Variants in NTRK2 observed in about 807,000 individuals in gnomAD.
NTRK2 encodes the protein BDNF/NT-3 growth factors receptor.
Under a neutral mutation model 94.5 loss-of-function variants are expected in NTRK2, and 13 were observed. The ratio of observed to expected loss-of-function variants is 0.14; its 90% CI spans 0.09 to 0.22. NTRK2 has a LOEUF of 0.22. Ranked by LOEUF, NTRK2 falls within the 10% of genes least tolerant of loss-of-function variation. The pLI is 1.00. For missense variants in NTRK2, 639 were observed against 1,071.2 expected (o/e 0.60, Z 5.63); for synonymous variants, 372 against 407.4 (o/e 0.91, Z 1.05).
chr9:84,727,503 C>T (rs2062551002), intron 8 of NTRK2, 151 bp from the exon 9 acceptor site: 4 of 773,080 alleles, frequency 5.2e-6, no homozygotes, highest in South Asian at 4.9e-5. Context: ...GATGATGATA[C>T]AAAATACTGA....
intron 17 of NTRK2, among the ~76,000 whole-genome samples, chr9:84,968,177 C>T (rs1216150623): frequency 6.6e-6 from 1 of 152,128 alleles, no homozygotes; most frequent in Non-Finnish European, 1.5e-5. Context: ...GAAGTGCCCT[C>T]CCTTATGCCT....
chr9:84,815,891 C>G (rs1403909108), intron 12 of NTRK2, among the ~76,000 whole-genome samples: 2 of 151,708 alleles, frequency 1.3e-5, no homozygotes, highest in African/African-American at 4.8e-5. Context: ...AATTATCCCC[C>G]CAAAAAGGTC....
intron 12 of NTRK2, chr9:84,813,463 AC>A (rs1165118957): frequency 1.5e-5 from 16 of 1,064,764 alleles, no homozygotes; most frequent in Non-Finnish European, 1.8e-5. Flanking sequence ...TTGTTCTCTC[AC>A]GGTATCCTTC....
At position 84,741,609 on chromosome 9, in the gene NTRK2, G is replaced by T. The variant is rs112561852; in HGVS notation, c.1160-283G>T. Among the ~76,000 whole-genome samples the T allele has an allele frequency of 8.1e-3, 1,239 of 152,274 alleles. 19 individuals carry two copies. The highest frequency in any genetic ancestry group is 0.043 in the East Asian group (225 of 5,182). ...AAACAGTACCAAAAGAAGAAAAATG[G>T]TAATAATTCATTGATTGCTGAAGTT... On this transcript the variant is annotated intron_variant, in intron 9 of 18. Coordinates refer to ENST00000277120, the MANE Select transcript of NTRK2 (RefSeq NM_006180.6).
At chr9:84,926,164 TCCTTC>T (rs2077785815) in intron 14 of NTRK2, among the ~76,000 whole-genome samples, 1 of 68,004 alleles carries the variant, frequency 1.5e-5, no homozygotes, top group Non-Finnish European at 3.3e-5. Flanking sequence ...CTTCCTTCCT[TCCTTC>T]CTTTCTTTCT....
intron 15 of NTRK2, among the ~76,000 whole-genome samples, chr9:84,936,813 C>G (rs2078227883): frequency 1.3e-5 from 2 of 152,130 alleles, no homozygotes; most frequent in South Asian, 4.1e-4. Flanking sequence ...ATTCTAACTT[C>G]ATGGTCACAA....
intron 12 of NTRK2, among the ~76,000 whole-genome samples, chr9:84,849,008 G>T (rs543636779): frequency 6.6e-6 from 1 of 152,242 alleles, no homozygotes; most frequent in African/African-American, 2.4e-5. Flanking sequence ...ATGCTTTAGA[G>T]ACTACATATG....
chr9:84,950,619 C>T (rs2078747796), intron 16 of NTRK2, among the ~76,000 whole-genome samples: 1 of 151,480 alleles, frequency 6.6e-6, no homozygotes, highest in Non-Finnish European at 1.5e-5. Flanking sequence ...TTAGCTAGTC[C>T]TCATTTTGGA....
At chr9:84,865,735 C>T (rs1056639771) in intron 13 of NTRK2, among the ~76,000 whole-genome samples, 5 of 152,226 alleles carry the variant, frequency 3.3e-5, no homozygotes, top group Non-Finnish European at 5.9e-5. Flanking sequence ...TGCCTTTTCA[C>T]TCCCTATTGT....
chr9:84,710,909 C>G (rs2061381822), intron 6 of NTRK2, 118 bp downstream of exon 6: 1 of 949,492 alleles, frequency 1.1e-6, no homozygotes, highest in South Asian at 1.4e-5. Flanking sequence ...GTTGATGTCT[C>G]CAGTGACTCA....
At chr9:84,862,917 G>A (rs2075400229) in intron 13 of NTRK2, among the ~76,000 whole-genome samples, 1 of 152,134 alleles carries the variant, frequency 6.6e-6, no homozygotes, top group Non-Finnish European at 1.5e-5. Flanking sequence ...GGGTGGGGAG[G>A]GCAGGTGGAT....
chr9:84,808,180 A>T (rs1487773918), intron 12 of NTRK2, among the ~76,000 whole-genome samples: 1 of 152,206 alleles, frequency 6.6e-6, no homozygotes. Flanking sequence ...GTGGATGGCA[A>T]TGGTCCAGTA....
intron 17 of NTRK2, among the ~76,000 whole-genome samples, chr9:84,975,306 G>T (rs75410255): frequency 6.6e-6 from 1 of 152,050 alleles, no homozygotes; most frequent in Non-Finnish European, 1.5e-5. Context: ...CACTCCCCCT[G>T]CCCCTTTTTC....
intron 9 of NTRK2, among the ~76,000 whole-genome samples, chr9:84,733,723 TC>T (rs1416828306): frequency 6.6e-6 from 1 of 152,142 alleles, no homozygotes; most frequent in African/African-American, 2.4e-5. Flanking sequence ...CCCAGGGATG[TC>T]CCTGCCTTGA....
chr9:84,947,194 G>T (rs1265834616), intron 15 of NTRK2, among the ~76,000 whole-genome samples: 2 of 152,126 alleles, frequency 1.3e-5, no homozygotes, highest in Non-Finnish European at 2.9e-5. Flanking sequence ...GACCTTGGGT[G>T]ATCTGCCCGC....
chr9:84,909,783 C>T (rs1207823762), intron 14 of NTRK2, among the ~76,000 whole-genome samples: 2 of 151,884 alleles, frequency 1.3e-5, no homozygotes, highest in Non-Finnish European at 2.9e-5. Flanking sequence ...GATTGTTTAT[C>T]TTTAACAATT....
At chr9:84,715,033 T>C (rs1354656250) in intron 6 of NTRK2, among the ~76,000 whole-genome samples, 1 of 152,226 alleles carries the variant, frequency 6.6e-6, no homozygotes, top group Non-Finnish European at 1.5e-5. Context: ...CTTGTTAGTA[T>C]TTCATCATAG....
intron 14 of NTRK2, among the ~76,000 whole-genome samples, chr9:84,929,496 TAA>T (rs1381833646): frequency 6.6e-6 from 1 of 152,168 alleles, no homozygotes; most frequent in African/African-American, 2.4e-5. Flanking sequence ...CTCTTTTTTT[TAA>T]ATTAAGTGAT....
At chr9:84,885,472 C>A (rs1048785593) in intron 14 of NTRK2, among the ~76,000 whole-genome samples, 1 of 152,114 alleles carries the variant, frequency 6.6e-6, no homozygotes, top group Non-Finnish European at 1.5e-5. Flanking sequence ...TGGTAATAAA[C>A]TGAGCACATA....
Sources: allele counts gnomAD v4.1 joint callset (sites outside exome capture counted in the v4.1 genomes callset), GRCh38; gene constraint gnomAD v4.1.1; transcripts MANE v1.5; gene names NCBI Gene and HGNC (gene_info 2026-07-23, HGNC 2026-07-21).